The following RFWD3 variants were observed in gnomAD, a reference collection of about 807,000 sequenced individuals.
The protein encoded by RFWD3 is E3 ubiquitin-protein ligase RFWD3.
RFWD3 carries 65 observed loss-of-function variants against 87.7 expected under a neutral mutation model. That is an observed-to-expected ratio of 0.74 (90% CI 0.61 to 0.91). RFWD3 has a LOEUF of 0.91. Among genes scored for constraint, RFWD3 ranks in the 40% least tolerant of loss-of-function variants. The pLI is 0.00. For synonymous variants in RFWD3, 433 were observed against 352.8 expected, an observed-to-expected ratio of 1.23 and a Z score of -2.55; for missense variants, 1,078 against 938.5, an observed-to-expected ratio of 1.15 and a Z score of -1.94.
intron 4 of RFWD3, among the ~76,000 whole-genome samples, chr16:74,646,422 T>C (rs1960150620): frequency 6.6e-6 from 1 of 152,120 alleles, no homozygotes. Flanking sequence ...AAAAATATTA[T>C]TACCCTCCCA....
rs144322244 is a variant in RFWD3, at chr16:74,625,331, G to A, written c.2181+1012C>T. On this transcript the variant is annotated intron_variant, in intron 12 of 12. Transcript: ENST00000361070. ...AGCCCAGGAGTTTGAGACCAGCCTG[G>A]GAAACATGGCAAAACCCTGTCTCTA... Among the ~76,000 whole-genome samples the A allele has an allele frequency of 7.2e-4, 110 of 152,106 alleles. 1 individual carries two copies. The highest frequency in any genetic ancestry group is 3.4e-3 in the Middle Eastern group (1 of 294).
intron 1 of RFWD3, chr16:74,664,673 C>T (rs1484958515): frequency 1.3e-5 from 2 of 151,688 alleles, no homozygotes; most frequent in Admixed American, 6.6e-5. Context: ...CCCTTGAACC[C>T]GGAGAGTGGA....
chr16:74,656,253 C>T (rs1426987866), intron 2 of RFWD3, among the ~76,000 whole-genome samples: 1 of 140,806 alleles, frequency 7.1e-6, no homozygotes, highest in Non-Finnish European at 1.5e-5. Flanking sequence ...CTGCAGTGAG[C>T]CATGATCACA....
intron 8 of RFWD3, among the ~76,000 whole-genome samples, chr16:74,634,667 T>G (rs8044278): frequency 0.86 from 130,342 of 151,992 alleles, 56,062 homozygotes; most frequent in African/African-American, 0.94. Flanking sequence ...GGGATTACAG[T>G]CATGAGCCAC....
At chr16:74,648,982 T>C (rs1204254385) in intron 4 of RFWD3, 150 bp downstream of exon 4, 8 of 424,668 alleles carry the variant, frequency 1.9e-5, no homozygotes, top group African/African-American at 2.2e-5. Context: ...TTCAGGAGGC[T>C]GAAGTGGGAG....
intron 2 of RFWD3, among the ~76,000 whole-genome samples, chr16:74,659,092 T>G (rs1160070882): frequency 6.6e-6 from 1 of 152,158 alleles, no homozygotes; most frequent in Non-Finnish European, 1.5e-5. Flanking sequence ...GAGTTTGGCT[T>G]CTGTTTGGCT....
intron 2 of RFWD3, among the ~76,000 whole-genome samples, chr16:74,657,352 A>C (rs1378623171): frequency 1.3e-5 from 2 of 152,212 alleles, no homozygotes; most frequent in Admixed American, 6.5e-5. Context: ...GCATTTGGTC[A>C]GTTTCCTGAA....
intron 1 of RFWD3, among the ~76,000 whole-genome samples, chr16:74,663,512 C>A (rs1247346609): frequency 6.6e-6 from 1 of 152,012 alleles, no homozygotes; most frequent in Non-Finnish European, 1.5e-5. Context: ...GGGTCAGAGG[C>A]CAGACTGGTG....
intron 1 of RFWD3, among the ~76,000 whole-genome samples, chr16:74,663,125 C>T (rs1414421327): frequency 1.3e-5 from 2 of 151,986 alleles, no homozygotes; most frequent in Admixed American, 6.6e-5. Flanking sequence ...AGGATGGTCT[C>T]GATCCCCTGA....
intron 2 of RFWD3, among the ~76,000 whole-genome samples, chr16:74,655,677 T>C (rs1960921825): frequency 6.6e-6 from 1 of 151,818 alleles, no homozygotes; most frequent in African/African-American, 2.4e-5. Flanking sequence ...TGCAGTGCAG[T>C]GGCGCCTGGC....
rs1958830946 is a variant in RFWD3, at chr16:74,623,644, AAAAT to A, written c.*280_*283del. On this transcript the variant is annotated 3_prime_UTR_variant, in exon 13 of 13. Coordinates refer to ENST00000361070, the MANE Select transcript of RFWD3 (RefSeq NM_018124.4). ...CCAGAAAGTCACACAGAAAATAAAGAAAATAAGAATTTCCAACATACAATAATGG... is the reference window on the plus strand; with the variant it reads ...CCAGAAAGTCACACAGAAAATAAAGAAAGAATTTCCAACATACAATAATGG... 2 of 277,048 alleles carry A rather than the reference AAAAT, an allele frequency of 7.2e-6. No individual in the cohort carries two copies. Among genetic ancestry groups the A allele is most frequent in the African/African-American group, 4.4e-5 (2 of 45,238 alleles). The allele number at this position is 277,048 out of a possible 1,614,324, so 17.2% of individuals were successfully genotyped here.
chr16:74,662,004 ATT>A (rs1044393777), intron 1 of RFWD3, among the ~76,000 whole-genome samples: 9 of 151,926 alleles, frequency 5.9e-5, no homozygotes, highest in African/African-American at 1.9e-4. Flanking sequence ...CCCTTTCATT[ATT>A]TTTGTTTTCC....
At chr16:74,624,855 A>C (rs911818340) in intron 12 of RFWD3, among the ~76,000 whole-genome samples, 6 of 152,096 alleles carry the variant, frequency 3.9e-5, no homozygotes, top group African/African-American at 1.4e-4. Flanking sequence ...AGCCAGGTGT[A>C]GTGGTGCATG....
chr16:74,663,405 A>C (rs1226513219), intron 1 of RFWD3, among the ~76,000 whole-genome samples: 1 of 152,212 alleles, frequency 6.6e-6, no homozygotes. Flanking sequence ...GGAAGGAACA[A>C]TTGAGTGTCA....
At chr16:74,636,262 G>C in intron 8 of RFWD3, 84 bp downstream of exon 8, 1 of 1,234,032 alleles carries the variant, frequency 8.1e-7, no homozygotes. Context: ...GGTAACCTTT[G>C]AGTCTTGAAT....
At chr16:74,624,674 G>A (rs1958869645) in intron 12 of RFWD3, among the ~76,000 whole-genome samples, 3 of 152,200 alleles carry the variant, frequency 2.0e-5, no homozygotes, top group Admixed American at 6.5e-5. Flanking sequence ...TGGGATTACA[G>A]GCGTGAGCCA....
At chr16:74,649,560 C>A (rs1045583031) in intron 3 of RFWD3, among the ~76,000 whole-genome samples, 4 of 152,116 alleles carry the variant, frequency 2.6e-5, no homozygotes, top group African/African-American at 9.7e-5. Context: ...TGTCATTATA[C>A]TTGCAAAAAC....
At chr16:74,647,737 G>A (rs371399366) in intron 4 of RFWD3, among the ~76,000 whole-genome samples, 106 of 151,690 alleles carry the variant, frequency 7.0e-4, no homozygotes, top group African/African-American at 2.4e-3. Context: ...GATTATATGC[G>A]CCTGCCAACA....
intron 7 of RFWD3, among the ~76,000 whole-genome samples, chr16:74,637,648 A>T (rs530619533): frequency 7.9e-5 from 12 of 152,224 alleles, no homozygotes; most frequent in South Asian, 2.1e-4. Context: ...AATAAAAAAT[A>T]AAATTCAGAC....
Sources: gnomAD v4.1 joint callset for allele counts (sites outside exome capture counted in the v4.1 genomes callset) on GRCh38, gnomAD v4.1.1 for gene constraint, MANE v1.5 for transcripts, NCBI Gene and HGNC (gene_info 2026-07-23, HGNC 2026-07-21) for gene names.